The following TAOK3 variants were observed in gnomAD, a reference collection of about 807,000 sequenced individuals.
The protein encoded by TAOK3 is serine/threonine-protein kinase TAO3.
TAOK3 carries 40 observed loss-of-function variants against 120.4 expected under a neutral mutation model. That is an observed-to-expected ratio of 0.33 (90% CI 0.26 to 0.43). The LOEUF (loss-of-function observed/expected upper bound fraction) is 0.43, where lower values mean the gene tolerates loss of function less well. Among genes scored for constraint, TAOK3 ranks in the 20% least tolerant of loss-of-function variants. The pLI is 1.00. For missense variants in TAOK3, 821 were observed against 1,112.1 expected, an observed-to-expected ratio of 0.74 and a Z score of 3.72; for synonymous variants, 355 against 387.5, an observed-to-expected ratio of 0.92 and a Z score of 0.99.
At chr12:118,290,258 T>A (rs1460936649) in intron 1 of TAOK3, among the ~76,000 whole-genome samples, 3 of 152,174 alleles carry the variant, frequency 2.0e-5, no homozygotes, top group East Asian at 1.9e-4. Flanking sequence ...TTGGATCTTG[T>A]CCTTAGTAAC....
intron 1 of TAOK3, among the ~76,000 whole-genome samples, chr12:118,288,714 AAGACC>A (rs1024886583): frequency 6.6e-6 from 1 of 151,744 alleles, no homozygotes; most frequent in African/African-American, 2.4e-5. Flanking sequence ...TCAGGCATTC[AAGACC>A]AGCCTGGGCA....
At chr12:118,216,739 TA>T (rs1455897657) in intron 9 of TAOK3, among the ~76,000 whole-genome samples, 1 of 151,934 alleles carries the variant, frequency 6.6e-6, no homozygotes, top group African/African-American at 2.4e-5. Flanking sequence ...CCATCCTGGC[TA>T]ACACGGTGAA....
At chr12:118,345,533 TG>T (rs1399601925) in intron 1 of TAOK3, among the ~76,000 whole-genome samples, 1 of 152,094 alleles carries the variant, frequency 6.6e-6, no homozygotes, top group Non-Finnish European at 1.5e-5. Flanking sequence ...GCCATGTGTT[TG>T]GGAAGATAAG....
At chr12:118,291,508 A>G (rs1489662222) in intron 1 of TAOK3, among the ~76,000 whole-genome samples, 1 of 152,166 alleles carries the variant, frequency 6.6e-6, no homozygotes, top group South Asian at 2.1e-4. Context: ...TTTGTAAAGC[A>G]AGTAACCATT....
intron 16 of TAOK3, among the ~76,000 whole-genome samples, chr12:118,176,543 G>T (rs2036342150): frequency 6.6e-6 from 1 of 152,148 alleles, no homozygotes; most frequent in Non-Finnish European, 1.5e-5. Context: ...GACAAGAATG[G>T]TTTAGAGTTA....
chr12:118,219,482 T>A (rs2039115235), intron 9 of TAOK3, among the ~76,000 whole-genome samples: 1 of 152,236 alleles, frequency 6.6e-6, no homozygotes, highest in Non-Finnish European at 1.5e-5. Context: ...GGATTCATTA[T>A]GTGTTTATAA....
chr12:118,339,873 G>T (rs774890809), intron 1 of TAOK3, among the ~76,000 whole-genome samples: 2 of 152,028 alleles, frequency 1.3e-5, no homozygotes, highest in Non-Finnish European at 2.9e-5. Flanking sequence ...ATACTTTATA[G>T]ATTTTAATTT....
At chr12:118,314,772 A>C (rs1455497726) in intron 1 of TAOK3, among the ~76,000 whole-genome samples, 1 of 152,186 alleles carries the variant, frequency 6.6e-6, no homozygotes, top group Non-Finnish European at 1.5e-5. Context: ...AACAATGCTT[A>C]TCAATTATTA....
At position 118,152,290 on chromosome 12, in the gene TAOK3, A is replaced by T; in HGVS notation, c.2472T>A (p.His824Gln). The T allele has an allele frequency of 6.2e-7, 1 of 1,614,132 alleles. No individual in the cohort carries two copies. Among genetic ancestry groups the T allele is most frequent in the Non-Finnish European group, 8.5e-7 (1 of 1,180,014 alleles). Residue 824 changes from histidine (H) to glutamine (Q), a missense_variant, in exon 20 of 21, where the codon CAT (histidine) becomes CAA (glutamine). Transcript: ENST00000392533. Reference sequence around the variant, plus strand: ...GCTCTAGCTTCTGGAGCTCACGTTCATGTTGTGCCTCTGTTTGCATCTTGA... The same window carrying T: ...GCTCTAGCTTCTGGAGCTCACGTTCTTGTTGTGCCTCTGTTTGCATCTTGA... ...SKIKMQTEAQ[H>Q]ERELQKLEQR...
rs931016511 is a variant in TAOK3, at chr12:118,371,869, C to T, written c.-194+779G>A. On this transcript the variant is annotated intron_variant, in intron 1 of 20. Coordinates refer to ENST00000392533, the MANE Select transcript of TAOK3 (RefSeq NM_016281.4). The surrounding 1 kb of genome is among the most constrained non-coding windows in gnomAD (Gnocchi z 5.5). The stretch of plus-strand genomic sequence containing the variant: ...GGAGTCCCACGCTCGCATGCGCTGT[C>T]CCGAGCCCTCTGGGGGTCCCCTCCT... Among the ~76,000 whole-genome samples, 1 of 152,090 alleles carries T rather than the reference C, an allele frequency of 6.6e-6. No individual in the cohort carries two copies. The highest frequency in any genetic ancestry group is 3.4e-3 in the Middle Eastern group (1 of 294).
chr12:118,214,730 G>T (rs1200505289), intron 9 of TAOK3, among the ~76,000 whole-genome samples: 1 of 146,000 alleles, frequency 6.8e-6, no homozygotes, highest in South Asian at 2.3e-4. Flanking sequence ...ATCGTGCATG[G>T]CTAATTTCTT....
chr12:118,163,875 C>G (rs1269531241), intron 17 of TAOK3, among the ~76,000 whole-genome samples: 3 of 152,048 alleles, frequency 2.0e-5, no homozygotes, highest in Non-Finnish European at 2.9e-5. Flanking sequence ...CCACGCCTGG[C>G]TAACTTTTGT....
rs2045908643 is a variant in TAOK3 at position 118,371,929 on chromosome 12, C to CAT, written c.-194+718_-194+719insAT. On this transcript the variant is annotated intron_variant, in intron 1 of 20. Coordinates refer to ENST00000392533, the MANE Select transcript of TAOK3 (RefSeq NM_016281.4). The surrounding 1 kb of genome is among the most constrained non-coding windows in gnomAD (Gnocchi z 5.5). ...CTGTCCTGGCCCCTCTCGGGGTCAC[C>CAT]CTGCTCCCACCCGCTGTCCCGGCCT... Among the ~76,000 whole-genome samples the CAT allele has an allele frequency of 6.6e-6, 1 of 150,382 alleles. No individual in the cohort carries two copies. The highest frequency in any genetic ancestry group is 1.5e-5 in the Non-Finnish European group (1 of 67,410).
intron 1 of TAOK3, among the ~76,000 whole-genome samples, chr12:118,369,536 C>G (rs559079758): frequency 6.6e-6 from 1 of 152,256 alleles, no homozygotes; most frequent in East Asian, 1.9e-4. Flanking sequence ...TTGTACCAGT[C>G]AGAAATGAGC....
At chr12:118,198,730 C>A in intron 13 of TAOK3, 1 of 337,290 alleles carries the variant, frequency 3.0e-6, no homozygotes. Flanking sequence ...AAGGGCACAA[C>A]CAACAGGTAC....
intron 9 of TAOK3, among the ~76,000 whole-genome samples, chr12:118,218,075 T>C (rs1378966514): frequency 6.6e-6 from 1 of 151,278 alleles, no homozygotes; most frequent in Non-Finnish European, 1.5e-5. Context: ...TTAGCCAGGA[T>C]GGTCTCGATT....
chr12:118,202,543 TTGA>T (rs2038075045), intron 11 of TAOK3, among the ~76,000 whole-genome samples: 1 of 152,184 alleles, frequency 6.6e-6, no homozygotes, highest in Admixed American at 6.5e-5. Flanking sequence ...CTTATCTTTT[TTGA>T]TAATAGCCAT....
chr12:118,216,054 C>T (rs1031845259), intron 9 of TAOK3, among the ~76,000 whole-genome samples: 2 of 152,080 alleles, frequency 1.3e-5, no homozygotes, highest in East Asian at 1.9e-4. Flanking sequence ...CAAAATTAAC[C>T]GGGCATGTTG....
chr12:118,299,013 A>G (rs1566083286), intron 1 of TAOK3, among the ~76,000 whole-genome samples: 1 of 152,092 alleles, frequency 6.6e-6, no homozygotes, highest in Non-Finnish European at 1.5e-5. Flanking sequence ...TGTATTTCAT[A>G]TTGCTCTTTG....
Sources: gnomAD v4.1 joint callset for allele counts (sites outside exome capture counted in the v4.1 genomes callset) on GRCh38, gnomAD v4.1.1 for gene constraint, Gnocchi (gnomAD v3.1) non-coding constraint, MANE v1.5 for transcripts, NCBI Gene and HGNC (gene_info 2026-07-23, HGNC 2026-07-21) for gene names.